The following UVRAG variants were observed in gnomAD, a reference collection of about 807,000 sequenced individuals.
UVRAG encodes the protein UV radiation resistance-associated gene protein.
A neutral mutation model predicts 78.0 loss-of-function variants in UVRAG; 19 were observed. The ratio of observed to expected loss-of-function variants is 0.24; its 90% CI spans 0.17 to 0.36. The LOEUF is 0.36. Ranked by LOEUF, UVRAG falls within the 10% of genes least tolerant of loss-of-function variation. The pLI, the probability that UVRAG is intolerant of heterozygous loss-of-function variation, is 1.00. For missense variants in UVRAG, 740 were observed against 853.8 expected (o/e 0.87, Z 1.66); for synonymous variants, 323 against 324.6 (o/e 1.00, Z 0.05).
At chr11:76,006,688 AG>A (rs1949950004) in intron 9 of UVRAG, among the ~76,000 whole-genome samples, 3 of 127,604 alleles carry the variant, frequency 2.4e-5, no homozygotes, top group African/African-American at 5.5e-5. Flanking sequence ...AAAAAAAAAG[AG>A]AGAGAGAAGG....
At chr11:75,837,281 C>T (rs1017031864) in intron 1 of UVRAG, among the ~76,000 whole-genome samples, 1 of 146,170 alleles carries the variant, frequency 6.8e-6, no homozygotes, top group East Asian at 2.0e-4. Flanking sequence ...GAGCTGAGAT[C>T]ACGCCACTGC....
intron 13 of UVRAG, among the ~76,000 whole-genome samples, chr11:76,090,196 A>AC (rs1951670547): frequency 1.3e-5 from 2 of 152,296 alleles, no homozygotes; most frequent in African/African-American, 4.8e-5. Context: ...CTGCCAGTCT[A>AC]CAGAGGCTGT....
intron 14 of UVRAG, among the ~76,000 whole-genome samples, chr11:76,120,229 A>G (rs1263198586): frequency 2.0e-5 from 3 of 152,218 alleles, no homozygotes; most frequent in East Asian, 3.8e-4. Flanking sequence ...TTCCTTGGCA[A>G]TCCTTTTTAA....
intron 13 of UVRAG, among the ~76,000 whole-genome samples, chr11:76,093,555 C>G (rs1951740350): frequency 6.6e-6 from 1 of 152,124 alleles, no homozygotes; most frequent in South Asian, 2.1e-4. Flanking sequence ...TTGTAGTTCT[C>G]CTTGAAGAGG....
At chr11:76,123,314 G>A (rs1952325095) in intron 14 of UVRAG, among the ~76,000 whole-genome samples, 1 of 152,158 alleles carries the variant, frequency 6.6e-6, no homozygotes, top group African/African-American at 2.4e-5. Context: ...CCAAGAGGGA[G>A]GAAACTAAAA....
chr11:76,028,256 G>A (rs967972148), intron 12 of UVRAG, among the ~76,000 whole-genome samples: 1 of 152,038 alleles, frequency 6.6e-6, no homozygotes, highest in African/African-American at 2.4e-5. Flanking sequence ...TGTTCTGACT[G>A]CTCCACTGAC....
At chr11:75,898,312 C>T (rs796546332) in intron 5 of UVRAG, among the ~76,000 whole-genome samples, 1 of 152,126 alleles carries the variant, frequency 6.6e-6, no homozygotes, top group Non-Finnish European at 1.5e-5. Flanking sequence ...CCTTTCATTC[C>T]GTGACTTAAT....
At chr11:75,857,369 G>T (rs930143348) in intron 2 of UVRAG, among the ~76,000 whole-genome samples, 3 of 152,180 alleles carry the variant, frequency 2.0e-5, no homozygotes, top group Admixed American at 6.5e-5. Context: ...TGTAGCTGTT[G>T]CTTGAATGCA....
intron 6 of UVRAG, among the ~76,000 whole-genome samples, chr11:75,928,680 T>G (rs150170654): frequency 0.015 from 2,341 of 151,944 alleles, 75 homozygotes; most frequent in African/African-American, 0.053. Flanking sequence ...TGGCTCACGC[T>G]TGTAATCCCA....
intron 6 of UVRAG, among the ~76,000 whole-genome samples, chr11:75,943,622 T>A (rs149982248): frequency 6.6e-6 from 1 of 152,312 alleles, no homozygotes; most frequent in Non-Finnish European, 1.5e-5. Context: ...GTTCTATAAC[T>A]GTCGCTTCAT....
At chr11:76,098,056 G>C (rs1951817826) in intron 13 of UVRAG, among the ~76,000 whole-genome samples, 1 of 150,380 alleles carries the variant, frequency 6.6e-6, no homozygotes. Flanking sequence ...TTGTTTGTTT[G>C]TTTGTTTTTT....
intron 3 of UVRAG, among the ~76,000 whole-genome samples, chr11:75,877,454 A>C (rs1166378314): frequency 6.7e-6 from 1 of 149,658 alleles, no homozygotes; most frequent in Non-Finnish European, 1.5e-5. Context: ...CACCTCCCGG[A>C]CGGGGGGTGA....
In UVRAG at chr11:76,016,871, A is replaced by G. The variant is rs369678959; in HGVS notation, c.1117A>G (p.Met373Val). The G allele has an allele frequency of 1.5e-4, 239 of 1,612,502 alleles. No individual in the cohort carries two copies. Among genetic ancestry groups the G allele is most frequent in the East Asian group, 2.2e-4 (10 of 44,786 alleles). Residue 373 changes from methionine to valine, a missense_variant, in exon 12 of 15, where the codon ATG becomes GTG. Physicochemically the swap from Met to Val is conservative, Grantham distance 21. Coordinates refer to ENST00000356136, the MANE Select transcript of UVRAG (RefSeq NM_003369.4). ...ALGYTAHLVS[M>V]ISFFLQVPLR... ...TGGTTATACTGCACATCTGGTCTCC[A>G]TGATTTCCTTTTTCCTACAAGTGCC...
intron 1 of UVRAG, among the ~76,000 whole-genome samples, chr11:75,829,396 TCTC>T (rs1945604666): frequency 6.6e-6 from 1 of 152,236 alleles, no homozygotes; most frequent in African/African-American, 2.4e-5. Flanking sequence ...GTGACATTCT[TCTC>T]TTCATTAAGG....
At chr11:76,118,333 A>G (rs954048182) in intron 14 of UVRAG, among the ~76,000 whole-genome samples, 7 of 152,194 alleles carry the variant, frequency 4.6e-5, no homozygotes, top group African/African-American at 1.7e-4. Flanking sequence ...TGTGTATACA[A>G]TCATATTTTT....
At chr11:75,888,723 G>A (rs1246864356) in intron 4 of UVRAG, 106 bp from the exon 5 acceptor site, 14 of 853,074 alleles carry the variant, frequency 1.6e-5, no homozygotes, top group Non-Finnish European at 2.3e-5. Flanking sequence ...GTAGTCAGCC[G>A]GTTTCTCAGT....
intron 13 of UVRAG, among the ~76,000 whole-genome samples, chr11:76,091,690 T>G (rs1037709759): frequency 1.3e-5 from 2 of 152,160 alleles, no homozygotes; most frequent in African/African-American, 4.8e-5. Context: ...TAGCATCTTA[T>G]TGTTCTATGT....
intron 11 of UVRAG, chr11:76,012,904 T>A (rs1157548305): frequency 6.6e-6 from 1 of 152,126 alleles, no homozygotes; most frequent in Non-Finnish European, 1.5e-5. Flanking sequence ...GATTTCCTTC[T>A]GTGTCTGTAT....
chr11:76,048,738 G>A (rs373727632), intron 12 of UVRAG, among the ~76,000 whole-genome samples: 43 of 152,306 alleles, frequency 2.8e-4, no homozygotes, highest in African/African-American at 1.0e-3. Flanking sequence ...ACTGACTTTA[G>A]CTAACTTATG....
Sources: gnomAD v4.1 joint callset for allele counts (sites outside exome capture counted in the v4.1 genomes callset) on GRCh38, gnomAD v4.1.1 for gene constraint, MANE v1.5 for transcripts, NCBI Gene and HGNC (gene_info 2026-07-23, HGNC 2026-07-21) for gene names.